Variants in MAPK10 observed in about 807,000 individuals in gnomAD.
MAPK10 encodes mitogen-activated protein kinase 10.
In MAPK10, 25 loss-of-function variants were observed where a neutral mutation model predicts 59.3. The ratio of observed to expected loss-of-function variants is 0.42; its 90% CI spans 0.31 to 0.59. The LOEUF (loss-of-function observed/expected upper bound fraction) is 0.59. MAPK10 is among the 20% of genes least tolerant of loss of function. The pLI is 0.15. For synonymous variants in MAPK10, 190 were observed against 200.5 expected, an observed-to-expected ratio of 0.95 and a Z score of 0.44; for missense variants, 351 against 568.9, an observed-to-expected ratio of 0.62 and a Z score of 3.90.
At chr4:86,077,625 C>T (rs1179593670) in intron 9 of MAPK10, among the ~76,000 whole-genome samples, 2 of 152,126 alleles carry the variant, frequency 1.3e-5, no homozygotes, top group Admixed American at 1.3e-4. Flanking sequence ...ATGTGATTTC[C>T]AGAGCCAACA....
chr4:86,374,429 G>A (rs1325849434), intron 1 of MAPK10, among the ~76,000 whole-genome samples: 4 of 151,948 alleles, frequency 2.6e-5, no homozygotes, highest in Admixed American at 2.6e-4. Context: ...TTAAAAAGAT[G>A]TATCCCTCAT....
At chr4:86,488,145 C>A (rs1407032782) in intron 1 of MAPK10, among the ~76,000 whole-genome samples, 2 of 152,190 alleles carry the variant, frequency 1.3e-5, no homozygotes, top group Non-Finnish European at 2.9e-5. Flanking sequence ...GCAGCTCCCT[C>A]ACACCATTCC....
rs549317333 is a variant in MAPK10 at position 86,021,871 on chromosome 4, G to A, written c.1253-4501C>T. 2.2e-4 allele frequency among the ~76,000 whole-genome samples: 34 copies of A among 152,342 alleles called. No homozygotes were observed. The East Asian group carries it at 2.3e-3, about 10-fold the overall frequency. ...CCGGGTGCTAAGTCCCTCACTGCCC[G>A]GGGCCAGCAGGGCTGGCTGGCTGTC... On this transcript the variant is annotated intron_variant, in intron 13 of 13. Transcript: ENST00000641462.
At chr4:86,590,345 CTTTAT>C (rs748795870) in intron 1 of MAPK10, among the ~76,000 whole-genome samples, 2 of 152,132 alleles carry the variant, frequency 1.3e-5, no homozygotes, top group Non-Finnish European at 2.9e-5. Flanking sequence ...CTAATTTATA[CTTTAT>C]TTTAATATTT....
intron 9 of MAPK10, among the ~76,000 whole-genome samples, chr4:86,073,912 G>A (rs1220619716): frequency 7.0e-5 from 8 of 114,620 alleles, no homozygotes; most frequent in African/African-American, 2.3e-4. Context: ...TATTAGGTCC[G>A]CTTGGTGCAG....
upstream of MAPK10, among the ~76,000 whole-genome samples, chr4:86,363,514 G>T (rs915407906): frequency 1.3e-5 from 2 of 152,020 alleles, no homozygotes; most frequent in Non-Finnish European, 2.9e-5. Context: ...TTTTATTAAT[G>T]TTATTTTTAT....
At chr4:86,106,633 A>G (rs1268108203) in intron 5 of MAPK10, among the ~76,000 whole-genome samples, 2 of 151,852 alleles carry the variant, frequency 1.3e-5, no homozygotes, top group Non-Finnish European at 2.9e-5. Flanking sequence ...TGGTCTACCC[A>G]GCTGAGTTCC....
At chr4:86,433,284 TC>T (rs914884949) in intron 1 of MAPK10, among the ~76,000 whole-genome samples, 3 of 151,944 alleles carry the variant, frequency 2.0e-5, no homozygotes, top group Non-Finnish European at 2.9e-5. Context: ...AGGAGCTGCC[TC>T]CCCAACCCCC....
chr4:86,437,424 G>T (rs573434742), intron 1 of MAPK10, among the ~76,000 whole-genome samples: 2 of 151,860 alleles, frequency 1.3e-5, no homozygotes, highest in South Asian at 4.2e-4. Flanking sequence ...TACATAAATT[G>T]ATATTTCAAA....
intron 1 of MAPK10, among the ~76,000 whole-genome samples, chr4:86,506,161 C>T (rs1755720509): frequency 6.6e-6 from 1 of 152,092 alleles, no homozygotes; most frequent in Non-Finnish European, 1.5e-5. Flanking sequence ...AAAAGAAAGG[C>T]AGTCGGTCAT....
intron 1 of MAPK10, among the ~76,000 whole-genome samples, chr4:86,558,376 G>A (rs1320705927): frequency 1.3e-5 from 2 of 152,012 alleles, no homozygotes; most frequent in East Asian, 1.9e-4. Context: ...TTTGGCCTTC[G>A]AAACTCTTTA....
intron 2 of MAPK10, among the ~76,000 whole-genome samples, chr4:86,230,047 C>A (rs1025959625): frequency 2.6e-5 from 4 of 152,232 alleles, no homozygotes; most frequent in Admixed American, 6.5e-5. Flanking sequence ...GGCAACAGAG[C>A]GAGACCTTGT....
chr4:86,136,592 A>G (rs1400493697), intron 4 of MAPK10, among the ~76,000 whole-genome samples: 3 of 137,074 alleles, frequency 2.2e-5, no homozygotes, highest in South Asian at 2.3e-4. Context: ...GCCAAAATGT[A>G]AAGACCACCG....
At chr4:86,258,414 G>C (rs2093843880) in intron 2 of MAPK10, among the ~76,000 whole-genome samples, 1 of 152,012 alleles carries the variant, frequency 6.6e-6, no homozygotes, top group Non-Finnish European at 1.5e-5. Context: ...CAACTCCTGG[G>C]TTTTAAACCC....
chr4:86,036,293 C>G (rs551750358), intron 11 of MAPK10, among the ~76,000 whole-genome samples: 1 of 151,962 alleles, frequency 6.6e-6, no homozygotes, highest in African/African-American at 2.4e-5. Flanking sequence ...TGAGACATCA[C>G]CTAAACAATT....
chr4:86,023,240 T>C (rs1210357521), intron 13 of MAPK10, among the ~76,000 whole-genome samples: 2 of 152,210 alleles, frequency 1.3e-5, no homozygotes, highest in Non-Finnish European at 2.9e-5. Flanking sequence ...AATCAATTGA[T>C]CATAAATGTA....
intron 3 of MAPK10, among the ~76,000 whole-genome samples, chr4:86,166,098 T>C (rs1581686756): frequency 6.6e-6 from 1 of 152,348 alleles, no homozygotes; most frequent in Non-Finnish European, 1.5e-5. Flanking sequence ...CTAATACTGC[T>C]TGAATACTTA....
At chr4:86,593,560 T>A (rs1304602372) in intron 1 of MAPK10, among the ~76,000 whole-genome samples, 3 of 152,208 alleles carry the variant, frequency 2.0e-5, no homozygotes, top group African/African-American at 7.2e-5. Context: ...ATGTTAAACC[T>A]TTTCCTTAAA....
At chr4:86,470,728 T>A (rs1752587044) in intron 1 of MAPK10, among the ~76,000 whole-genome samples, 1 of 150,764 alleles carries the variant, frequency 6.6e-6, no homozygotes, top group Non-Finnish European at 1.5e-5. Flanking sequence ...GGGAAAGAAT[T>A]GAATGTTAGG....
Sources: allele counts gnomAD v4.1 joint callset (sites outside exome capture counted in the v4.1 genomes callset), GRCh38; gene constraint gnomAD v4.1.1; transcripts MANE v1.5; gene names NCBI Gene and HGNC (gene_info 2026-07-23, HGNC 2026-07-21).